ALS2CL: variants seen among roughly 807,000 people sequenced by gnomAD.
ALS2CL encodes the protein ALS2 C-terminal like, also known as ALS2 C-terminal-like protein.
Under a neutral mutation model 127.9 loss-of-function variants are expected in ALS2CL, and 112 were observed. The observed-to-expected ratio is 0.88, with a 90% CI of 0.75 to 1.02. The LOEUF (loss-of-function observed/expected upper bound fraction) is 1.02. ALS2CL is among the 50% of genes least tolerant of loss of function. ALS2CL has a pLI of 0.00. For missense variants in ALS2CL, 1,174 were observed against 1,236.7 expected (o/e 0.95, Z 0.76); for synonymous variants, 519 against 527.6 (o/e 0.98, Z 0.22).
intron 24 of ALS2CL, 104 bp from the exon 25 acceptor site, chr3:46,671,688 T>G: frequency 6.3e-7 from 1 of 1,580,264 alleles, no homozygotes; most frequent in Non-Finnish European, 8.6e-7. Flanking sequence ...GCTGGACACC[T>G]GGGGTGTGGT....
intron 22 of ALS2CL, 95 bp downstream of exon 22, chr3:46,673,244 T>C: frequency 1.3e-6 from 1 of 771,944 alleles, no homozygotes; most frequent in Non-Finnish European, 1.9e-6. Context: ...CCAGCTCCTC[T>C]GCAGCCTCCG....
At chr3:46,675,565 C>A in intron 20 of ALS2CL, 53 bp downstream of exon 20, 1 of 1,566,294 alleles carries the variant, frequency 6.4e-7, no homozygotes, top group Non-Finnish European at 8.8e-7. Flanking sequence ...TAGGAGCAGA[C>A]GCATGAGGCC....
chr3:46,676,963 A>T lies in ALS2CL; in HGVS notation c.1817T>A (p.Phe606Tyr). 1 of 1,613,466 alleles carries T rather than the reference A, an allele frequency of 6.2e-7. No homozygotes were observed. The highest frequency in any genetic ancestry group is 8.5e-7 in the Non-Finnish European group (1 of 1,179,868). Residue 606 changes from phenylalanine to tyrosine, a missense_variant, in exon 17 of 26, where the codon TTC (phenylalanine) becomes TAC (tyrosine). By Grantham distance (22) the Phe-to-Tyr change is conservative. Coordinates refer to ENST00000318962, the MANE Select transcript of ALS2CL (RefSeq NM_147129.5). ...GCAGCCAGCACACACAAAGTCCCGG[A>T]AGGGGCTGTAGACTCCCTGCCAGCG... ...ESRWQGVYSP[F>Y]RDFVCAGCPR... is the part of the protein sequence containing the mutation.
At chr3:46,676,107 C>T in intron 19 of ALS2CL, 138 bp downstream of exon 19, 2 of 1,419,474 alleles carry the variant, frequency 1.4e-6, no homozygotes, top group Non-Finnish European at 1.9e-6. Context: ...TGCTCAGCAG[C>T]TGCACACTGA....
In ALS2CL at chr3:46,681,323, G is replaced by A. The variant is rs1456881264; in HGVS notation, c.1359C>T (p.Ala453=). Residue 453 remains alanine (A), a synonymous_variant, in exon 13 of 26, where the codon GCC becomes GCT. Coordinates refer to ENST00000318962, the MANE Select transcript of ALS2CL (RefSeq NM_147129.5). This position sits in a 1 kb window ranked among gnomAD's most constrained non-coding sequence, Gnocchi z 4.9. Reference sequence around the variant, plus strand: ...GGCCCGTGTACCTGAAGGGCTGGGGGGCCTGCGGACCACTCTCAAGGACCC... The same window carrying A: ...GGCCCGTGTACCTGAAGGGCTGGGGAGCCTGCGGACCACTCTCAAGGACCC... The part of the protein sequence containing the change: ...GFGVLESGPQ[A]PQPFRYTGHW... 5 of 1,613,604 alleles carry A rather than the reference G, an allele frequency of 3.1e-6. No individual in the cohort carries two copies. In the Admixed American group the frequency reaches 8.3e-5, roughly 27 times the overall value.
intron 1 of ALS2CL, among the ~76,000 whole-genome samples, chr3:46,689,682 G>C (rs935708360): frequency 1.3e-5 from 2 of 152,234 alleles, no homozygotes; most frequent in Non-Finnish European, 2.9e-5. Flanking sequence ...AGGAGAGAGA[G>C]AGCTCAGAGC....
intron 9 of ALS2CL, 37 bp downstream of exon 9, chr3:46,683,745 A>C (rs1233005940): frequency 6.2e-7 from 1 of 1,608,794 alleles, no homozygotes; most frequent in East Asian, 2.2e-5. Context: ...CTGTCCTCTG[A>C]CCCCGCTCCC....
rs1348060847 is a variant in ALS2CL at position 46,676,938 on chromosome 3, G to A, written c.1842C>T (p.Cys614=). ...GCAGGGCCTCCTGCAGGTCCCTGGG[G>A]CAGCCAGCACACACAAAGTCCCGGA... ...SPFRDFVCAG[C]PRDLQEALLG... is the part of the protein sequence containing the mutation. The change falls in exon 17 of 26, where the codon TGC becomes TGT. Residue 614 remains cysteine, a synonymous_variant. Transcript: ENST00000318962. The A allele has an allele frequency of 9.9e-6, 16 of 1,613,692 alleles. No homozygotes were observed. Among genetic ancestry groups the A allele is most frequent in the Non-Finnish European group, 1.1e-5 (13 of 1,179,960 alleles).
At chr3:46,682,764 G>A (rs1253807253) in intron 10 of ALS2CL, among the ~76,000 whole-genome samples, 7 of 152,194 alleles carry the variant, frequency 4.6e-5, no homozygotes, top group African/African-American at 7.2e-5. Flanking sequence ...CATACAGAGC[G>A]TCTTCATGAG....
Position 46,686,910 on chromosome 3 carries a change from T to G in ALS2CL, c.534+73A>C. On this transcript the variant is annotated intron_variant, in intron 5 of 25. Transcript: ENST00000318962. The surrounding 1 kb of genome is among the most constrained non-coding windows in gnomAD (Gnocchi z 4.3). ...TGTACTAGGGTTCCTGAGTATAGGC[T>G]GAGCCCCCTGAGTCTGGGCCCTATC... 1 of 1,435,466 alleles carries G rather than the reference T, an allele frequency of 7.0e-7. No individual in the cohort carries two copies. Among genetic ancestry groups the G allele is most frequent in the Non-Finnish European group, 9.2e-7 (1 of 1,090,210 alleles). 88.9% of individuals were successfully genotyped at this position (1,435,466 alleles called of 1,614,324 possible).
Position 46,677,117 on chromosome 3 carries a change from A to T in ALS2CL, c.1758-95T>A, listed in dbSNP as rs571094308. The T allele has an allele frequency of 1.0e-5, 15 of 1,498,096 alleles. No individual in the cohort carries two copies. The East Asian group carries it at 3.4e-4, about 34-fold the overall frequency. The allele number at this position is 1,498,096 out of a possible 1,614,324, so 92.8% of individuals were successfully genotyped here. A position where few individuals can be genotyped will look rare whatever the true frequency, so the allele number is the denominator to read the frequency against. ...AGGCCCTTGGAGGGGTGGGGGTATG[A>T]GCCTGGCCCAGGATCAAGCCCCAAG... On this transcript the variant is annotated intron_variant, in intron 16 of 25. Transcript: ENST00000318962.
intron 1 of ALS2CL, among the ~76,000 whole-genome samples, chr3:46,692,221 T>C (rs1404026705): frequency 2.0e-5 from 3 of 152,106 alleles, no homozygotes; most frequent in Non-Finnish European, 4.4e-5. Flanking sequence ...TGGGGCTTCA[T>C]CCTGGAAGTG....
chr3:46,681,942 T>A lies in ALS2CL; in HGVS notation c.1175+87A>T. The A allele has an allele frequency of 6.8e-7, 1 of 1,470,634 alleles. No individual in the cohort carries two copies. Among genetic ancestry groups the A allele is most frequent in the East Asian group, 2.4e-5 (1 of 41,912 alleles). The allele number at this position is 1,470,634 out of a possible 1,614,324, so 91.1% of individuals were successfully genotyped here. A position where few individuals can be genotyped will look rare whatever the true frequency, so the allele number is the denominator to read the frequency against. On this transcript the variant is annotated intron_variant, in intron 11 of 25. Transcript: ENST00000318962. This position sits in a 1 kb window ranked among gnomAD's most constrained non-coding sequence, Gnocchi z 4.9. ...CTGCTTGAGGTTTGGGAATTCAGGA[T>A]GGGGCCGGGCTGGTGACCACAGCAG...
chr3:46,671,516 A>C lies in ALS2CL; in HGVS notation c.2753T>G (p.Leu918Arg). Residue 918 changes from leucine to arginine, a missense_variant, in exon 25 of 26, where the codon CTG becomes CGG. By Grantham distance (102) the Leu-to-Arg change is moderately radical (BLOSUM62 -2). Coordinates refer to ENST00000318962, the MANE Select transcript of ALS2CL (RefSeq NM_147129.5). ...DMMDPNHTGG[L>R]YDFLLTALES... is the part of the protein sequence containing the mutation. ...CAGGGCTGTGAGCAGGAAGTCATAC[A>C]GGCCTCCTGTGTGGTTGGGGTCCAT... 1 of 1,613,958 alleles carries C rather than the reference A, an allele frequency of 6.2e-7. No homozygotes were observed. Among genetic ancestry groups the C allele is most frequent in the Non-Finnish European group, 8.5e-7 (1 of 1,179,954 alleles).
intron 6 of ALS2CL, among the ~76,000 whole-genome samples, 180 bp from the exon 7 acceptor site, chr3:46,685,824 G>A (rs1355765051): frequency 6.6e-6 from 1 of 152,182 alleles, no homozygotes; most frequent in Admixed American, 6.5e-5. Flanking sequence ...TGGCTCTCTT[G>A]AAGCTTCAGT....
chr3:46,685,498 A>C (rs1184679079), intron 7 of ALS2CL, 27 bp downstream of exon 7: 2 of 1,610,568 alleles, frequency 1.2e-6, no homozygotes, highest in Non-Finnish European at 1.7e-6. Flanking sequence ...CTGTGGCCTC[A>C]AGACCTTGGG....
chr3:46,686,409 C>T lies in ALS2CL; in HGVS notation c.565G>A (p.Ala189Thr), dbSNP rs139526721. 8 of 1,613,578 alleles carry T rather than the reference C, an allele frequency of 5.0e-6. No individual in the cohort carries two copies. Among genetic ancestry groups the T allele is most frequent in the South Asian group, 1.1e-5 (1 of 91,054 alleles). ...HHPTRELVVN[A>T]VTLFGNLQSF... is the part of the protein sequence containing the mutation. ...TGCAGGTTCCCAAAGAGGGTGACTG[C>T]GTTCACCACCAGCTCCCGGGTTGGG... Residue 189 changes from alanine to threonine, a missense_variant, in exon 6 of 26, where the codon GCA becomes ACA. Transcript: ENST00000318962. This position sits in a 1 kb window ranked among gnomAD's most constrained non-coding sequence, Gnocchi z 4.3.
rs778787145 is a variant in ALS2CL at position 46,676,670 on chromosome 3, GGCTCCCGGT to G, written c.1991_1999del (p.His664_Glu666del). On this transcript the variant is annotated inframe_deletion, in exon 18 of 26. Transcript: ENST00000318962. ...CCTGAGGTACAGCTGCAGGGCCTTG[GGCTCCCGGT>G]GCTGCAGCAGCTCCTCCAGGATGTC... 3.0e-5 allele frequency: 49 copies of G among 1,613,352 alleles called. No homozygotes were observed. Among genetic ancestry groups the G allele is most frequent in the Middle Eastern group, 3.3e-4 (2 of 6,082 alleles).
Position 46,683,336 on chromosome 3 carries a change from G to T in ALS2CL, c.913-10C>A, listed in dbSNP as rs752354279. On this transcript the variant is annotated splice_polypyrimidine_tract_variant and intron_variant, in intron 9 of 25. Coordinates refer to ENST00000318962, the MANE Select transcript of ALS2CL (RefSeq NM_147129.5). ...TCCACTGCCAGACTGCCTGGTGGGA[G>T]GGGGAACATGGGGAAGGGGATCACT... The T allele has an allele frequency of 1.9e-6, 3 of 1,570,546 alleles. No homozygotes were observed. Among genetic ancestry groups the T allele is most frequent in the Non-Finnish European group, 2.6e-6 (3 of 1,157,222 alleles).
Sources: allele counts gnomAD v4.1 joint callset (sites outside exome capture counted in the v4.1 genomes callset), GRCh38; gene constraint gnomAD v4.1.1; non-coding constraint Gnocchi (gnomAD v3.1); transcripts MANE v1.5; gene names NCBI Gene and HGNC (gene_info 2026-07-23, HGNC 2026-07-21).